FOCAD: variants seen among roughly 807,000 people sequenced by gnomAD.
FOCAD encodes focadhesin.
In FOCAD, 198 loss-of-function variants were observed where a neutral mutation model predicts 225.6. The observed-to-expected ratio is 0.88, with a 90% CI of 0.78 to 0.99. FOCAD has a LOEUF of 0.99. Among genes scored for constraint, FOCAD ranks in the 50% least tolerant of loss-of-function variants. The pLI is 0.00. For missense variants in FOCAD, 2,713 were observed against 2,123.6 expected (o/e 1.28, Z -5.46); for synonymous variants, 897 against 755.0 (o/e 1.19, Z -3.08).
At chr9:20,966,189 C>T (rs1718257585) in intron 35 of FOCAD, among the ~76,000 whole-genome samples, 1 of 152,008 alleles carries the variant, frequency 6.6e-6, no homozygotes, top group Non-Finnish European at 1.5e-5. Context: ...ACGTTCTCGC[C>T]AACACTTATT....
intron 4 of FOCAD, among the ~76,000 whole-genome samples, chr9:20,723,199 T>G (rs1180200433): frequency 6.6e-6 from 1 of 152,174 alleles, no homozygotes; most frequent in Non-Finnish European, 1.5e-5. Flanking sequence ...TAAAAATGTG[T>G]TTTTTGGGTG....
At chr9:20,850,609 T>C (rs1587396553) in intron 15 of FOCAD, among the ~76,000 whole-genome samples, 1 of 151,790 alleles carries the variant, frequency 6.6e-6, no homozygotes, top group South Asian at 2.1e-4. Flanking sequence ...TTCAAAACTT[T>C]TTAGGAGTTG....
chr9:20,887,830 T>C (rs1831231831), intron 21 of FOCAD, among the ~76,000 whole-genome samples: 1 of 152,226 alleles, frequency 6.6e-6, no homozygotes, highest in Non-Finnish European at 1.5e-5. Context: ...TTTCAGTTGC[T>C]CTGCCTTCTT....
rs762041690 is a variant in FOCAD, at chr9:20,929,490, G to T, written c.3211G>T (p.Ala1071Ser). 2 of 1,614,106 alleles carry T rather than the reference G, an allele frequency of 1.2e-6. No homozygotes were observed. Among genetic ancestry groups the T allele is most frequent in the South Asian group, 2.2e-5 (2 of 91,070 alleles). ...TGAGGAAATCCTGAACATGCTGACT[G>T]CCAGGTTACCTGGGAAACCAAGTGC... ...KVEEILNMLT[A>S]RLPGKPSADE... Residue 1071 changes from alanine (A) to serine (S), a missense_variant, in exon 27 of 44, where the codon GCC (alanine) becomes TCC (serine). By Grantham distance (99) the Ala-to-Ser change is moderately conservative (BLOSUM62 1). Coordinates refer to ENST00000338382, the MANE Select transcript of FOCAD (RefSeq NM_001375567.1).
intron 15 of FOCAD, among the ~76,000 whole-genome samples, chr9:20,848,206 G>A (rs969147238): frequency 4.6e-5 from 7 of 151,964 alleles, no homozygotes; most frequent in South Asian, 2.1e-4. Flanking sequence ...AAGTATGGGC[G>A]GCCATGTAGA....
chr9:20,966,798 C>G (rs1177018324), intron 35 of FOCAD, among the ~76,000 whole-genome samples: 2 of 151,982 alleles, frequency 1.3e-5, no homozygotes, highest in East Asian at 3.9e-4. Flanking sequence ...AGGATCTTGG[C>G]ACCCTTGTCA....
At chr9:20,711,342 TAAGACTGTTG>T (rs890219976) in intron 1 of FOCAD, among the ~76,000 whole-genome samples, 25 of 152,322 alleles carry the variant, frequency 1.6e-4, no homozygotes, top group African/African-American at 5.8e-4. Context: ...GTTGAATGGG[TAAGACTGTTG>T]ATAGGAAGGC....
intron 9 of FOCAD, among the ~76,000 whole-genome samples, chr9:20,780,263 T>A (rs529258998): frequency 6.6e-6 from 1 of 152,350 alleles, no homozygotes; most frequent in Admixed American, 6.5e-5. Flanking sequence ...CTCTGTAGAT[T>A]TGCCTTTTCT....
chr9:20,778,042 A>G (rs2131072177), intron 8 of FOCAD, among the ~76,000 whole-genome samples: 1 of 134,850 alleles, frequency 7.4e-6, no homozygotes, highest in African/African-American at 2.8e-5. Flanking sequence ...GTGAGCGGAG[A>G]TCGTGCCACA....
chr9:20,715,516 G>T lies in FOCAD; in HGVS notation c.57+106G>T, dbSNP rs1252405617. On this transcript the variant is annotated intron_variant, in intron 2 of 43. Transcript: ENST00000338382. ...TATTAAATATTTTATTCTACATGTA[G>T]AGATTTATATTTTGTGAAACAACTT... 8 of 454,022 alleles carry T rather than the reference G, an allele frequency of 1.8e-5. No homozygotes were observed. The East Asian group carries it at 3.3e-4, about 19-fold the overall frequency. The allele number at this position is 454,022 out of a possible 1,614,324, so 28.1% of individuals were successfully genotyped here. A position where few individuals can be genotyped will look rare whatever the true frequency, so the allele number is the denominator to read the frequency against.
chr9:20,937,514 C>G (rs909955694), intron 28 of FOCAD, among the ~76,000 whole-genome samples: 4 of 151,600 alleles, frequency 2.6e-5, no homozygotes, highest in Non-Finnish European at 5.9e-5. Context: ...GCTGGGAAAA[C>G]TGGCTAGCCA....
chr9:20,760,412 C>G (rs995706484), intron 6 of FOCAD, among the ~76,000 whole-genome samples: 2 of 152,200 alleles, frequency 1.3e-5, no homozygotes, highest in Non-Finnish European at 2.9e-5. Flanking sequence ...GATGCAGTTC[C>G]AATCTATCTC....
At chr9:20,695,251 C>A (rs1311391637) in intron 1 of FOCAD, among the ~76,000 whole-genome samples, 1 of 152,086 alleles carries the variant, frequency 6.6e-6, no homozygotes, top group East Asian at 1.9e-4. Flanking sequence ...TATTCCATCA[C>A]CCATGAGGAT....
In FOCAD at chr9:20,832,148, G is replaced by A. The variant is rs146559484; in HGVS notation, c.1920+9033G>A. ...GAATAATGGTGCTATGAGCCTTCATGTACAAGCTTTCATGTCAACGTATGA... is the reference window on the plus strand; with the variant it reads ...GAATAATGGTGCTATGAGCCTTCATATACAAGCTTTCATGTCAACGTATGA... On this transcript the variant is annotated intron_variant, in intron 15 of 43. Transcript: ENST00000338382. 3.7e-3 allele frequency among the ~76,000 whole-genome samples: 559 copies of A among 152,110 alleles called. 4 individuals are homozygous for A. The highest frequency in any genetic ancestry group is 0.013 in the African/African-American group (533 of 41,524).
rs932790397 is a variant in FOCAD, at chr9:20,666,019, C to T, written c.-78+7193C>T. On this transcript the variant is annotated intron_variant, in intron 2 of 45. Transcript: ENST00000380249. ...AAGTGATTCTCCTGCCTCAGCCTCC[C>T]GAGTAGCTGGGATAACAGGCACCCG... 5.3e-5 allele frequency among the ~76,000 whole-genome samples: 8 copies of T among 152,200 alleles called. No individual in the cohort carries two copies. The South Asian group carries it at 8.3e-4, about 16-fold the overall frequency.
chr9:20,698,185 A>G (rs1316466401), intron 1 of FOCAD, among the ~76,000 whole-genome samples: 1 of 152,208 alleles, frequency 6.6e-6, no homozygotes, highest in Non-Finnish European at 1.5e-5. Context: ...AAAATAAGTA[A>G]TGTATGCCCC....
chr9:20,819,918 T>C lies in FOCAD; in HGVS notation c.1560+18T>C. The C allele has an allele frequency of 1.4e-6, 2 of 1,411,252 alleles. No homozygotes were observed. Among genetic ancestry groups the C allele is most frequent in the Non-Finnish European group, 1.9e-6 (2 of 1,034,688 alleles). 87.4% of individuals were successfully genotyped at this position (1,411,252 alleles called of 1,614,324 possible). ...TTCACAAGGTTAGTATGTTAATTAA[T>C]TTAGTTGGCGAAAAAAGTGAGTCAT... On this transcript the variant is annotated intron_variant, in intron 12 of 43. Transcript: ENST00000338382.
In FOCAD at chr9:20,949,649, A is replaced by G; in HGVS notation, c.3922A>G (p.Asn1308Asp). 6.2e-7 allele frequency: 1 copy of G among 1,613,178 alleles called. No individual in the cohort carries two copies. Among genetic ancestry groups the G allele is most frequent in the Non-Finnish European group, 8.5e-7 (1 of 1,179,390 alleles). ...IQTSHFQGRL[N>D]EVIRTLTQVI... is the part of the protein sequence containing the mutation. Reference sequence around the variant, plus strand: ...GACCTCTCATTTTCAAGGCAGACTTAATGAAGTCATTAGAACCTTAACTCA... The same window carrying G: ...GACCTCTCATTTTCAAGGCAGACTTGATGAAGTCATTAGAACCTTAACTCA... The change falls in exon 33 of 44, where the codon AAT becomes GAT. Residue 1308 changes from asparagine (N) to aspartate (D), a missense_variant. Asn to Asp is a conservative substitution (Grantham distance 23). Transcript: ENST00000338382.
intron 16 of FOCAD, 53 bp from the exon 17 acceptor site, chr9:20,865,873 C>T: frequency 7.6e-7 from 1 of 1,319,618 alleles, no homozygotes. Context: ...ATTATTTAGT[C>T]TCAGTTTTAG....
Sources: allele counts gnomAD v4.1 joint callset (sites outside exome capture counted in the v4.1 genomes callset), GRCh38; gene constraint gnomAD v4.1.1; transcripts MANE v1.5; gene names NCBI Gene and HGNC (gene_info 2026-07-23, HGNC 2026-07-21).